Variants in GPR35 observed in about 807,000 individuals in gnomAD.
The protein encoded by GPR35 is KYNA receptor.
For missense variants in GPR35, 372 were observed against 422.5 expected (o/e 0.88, Z 1.05); for synonymous variants, 207 against 198.4 (o/e 1.04, Z -0.36).
chr2:240,622,872 C>T (rs895608623), upstream of GPR35, among the ~76,000 whole-genome samples: 16 of 152,302 alleles, frequency 1.1e-4, no homozygotes, highest in Non-Finnish European at 2.9e-5. Flanking sequence ...CCGGGCAGTG[C>T]CCCCGTGCCC....
chr2:240,628,197 C>G (rs952846217), intron 1 of GPR35: 1 of 152,206 alleles, frequency 6.6e-6, no homozygotes, highest in Non-Finnish European at 1.5e-5. Flanking sequence ...CTCCTGGCCC[C>G]CAGCGGGGGC....
chr2:240,630,793 AAGGAGTTCC>A lies in GPR35; in HGVS notation c.847_855del (p.Phe283_Glu285del), dbSNP rs770339393. ...CGCCATCTGCTACTACTACATGGCC[AAGGAGTTCC>A]AGGAGGCGTCTGCACTGGCCGTGGC... On this transcript the variant is annotated inframe_deletion, in exon 2 of 2. Coordinates refer to ENST00000407714, the MANE Select transcript of GPR35 (RefSeq NM_005301.5). The A allele has an allele frequency of 6.2e-7, 1 of 1,613,444 alleles. No homozygotes were observed. The highest frequency in any genetic ancestry group is 8.5e-7 in the Non-Finnish European group (1 of 1,180,030).
At chr2:240,609,937 AT>A (rs1273555536) in intron 2 of GPR35, among the ~76,000 whole-genome samples, 1 of 151,106 alleles carries the variant, frequency 6.6e-6, no homozygotes, top group African/African-American at 2.4e-5. Context: ...TTCTTGATGA[AT>A]TGACCCTTTT....
chr2:240,606,167 C>G (rs1408982371), intron 1 of GPR35, among the ~76,000 whole-genome samples: 1 of 152,210 alleles, frequency 6.6e-6, no homozygotes, highest in Non-Finnish European at 1.5e-5. Context: ...AACACTCACT[C>G]AGGGATCCCA....
Position 240,632,202 on chromosome 2 carries a change from A to G in GPR35, c.*1320A>G, listed in dbSNP as rs917934193. Among the ~76,000 whole-genome samples the G allele has an allele frequency of 7.3e-5, 11 of 150,880 alleles. No individual in the cohort carries two copies. The highest frequency in any genetic ancestry group is 5.9e-5 in the Non-Finnish European group (4 of 67,752). ...GTCCATGCCTGGTTGGGGGGGGTCT[A>G]TGTCCAGGAGGGTCCCATGCCTGGA... is the stretch of plus-strand genomic sequence containing the variant. On this transcript the variant is annotated 3_prime_UTR_variant, in exon 2 of 2. Transcript: ENST00000407714.
chr2:240,616,133 C>T (rs1442550339), intron 2 of GPR35, among the ~76,000 whole-genome samples: 1 of 152,132 alleles, frequency 6.6e-6, no homozygotes, highest in African/African-American at 2.4e-5. Flanking sequence ...ATCATCTCCC[C>T]ATCTGCCTGA....
chr2:240,615,231 A>G (rs1425393832), intron 2 of GPR35, among the ~76,000 whole-genome samples: 1 of 152,130 alleles, frequency 6.6e-6, no homozygotes, highest in Middle Eastern at 3.2e-3. Context: ...ACGAGGCCCC[A>G]GCACGCTGCC....
chr2:240,610,520 G>A (rs567522109), intron 2 of GPR35, among the ~76,000 whole-genome samples: 12 of 152,208 alleles, frequency 7.9e-5, no homozygotes, highest in South Asian at 4.1e-4. Context: ...GAATACAGTG[G>A]TACCATCAGG....
upstream of GPR35, among the ~76,000 whole-genome samples, chr2:240,623,170 G>A (rs1336158738): frequency 6.6e-6 from 1 of 152,196 alleles, no homozygotes; most frequent in Non-Finnish European, 1.5e-5. Flanking sequence ...CAGAGGCCGG[G>A]CTCTGTGCCA....
At chr2:240,611,558 A>G (rs2043182629) in intron 2 of GPR35, among the ~76,000 whole-genome samples, 1 of 152,202 alleles carries the variant, frequency 6.6e-6, no homozygotes, top group Non-Finnish European at 1.5e-5. Context: ...TGTAGGAGGA[A>G]TGGGGGGAGA....
chr2:240,610,201 G>A (rs892627558), intron 2 of GPR35, among the ~76,000 whole-genome samples: 1 of 152,056 alleles, frequency 6.6e-6, no homozygotes, highest in African/African-American at 2.4e-5. Context: ...CTTGTGGTCT[G>A]CCCACCTCAG....
chr2:240,625,254 G>T (rs1559438393), upstream of GPR35: 4 of 985,186 alleles, frequency 4.1e-6, no homozygotes, highest in Non-Finnish European at 4.8e-6. Context: ...CAGAACAAAT[G>T]TGTGCCCTCA....
intron 1 of GPR35, among the ~76,000 whole-genome samples, chr2:240,626,036 G>T (rs1575468452): frequency 2.7e-5 from 2 of 74,094 alleles, no homozygotes; most frequent in African/African-American, 4.5e-5. Flanking sequence ...CTGTGATGGG[G>T]TCTCAGAGTG....
intron 1 of GPR35, chr2:240,628,291 C>CCTGG (rs980419881): frequency 3.9e-5 from 6 of 152,204 alleles, no homozygotes; most frequent in Non-Finnish European, 8.8e-5. Flanking sequence ...CGGAGCCTGG[C>CCTGG]CTGGCTCAGG....
chr2:240,630,644 T>G lies in GPR35; in HGVS notation c.692T>G (p.Leu231Arg). Residue 231 changes from leucine (L) to arginine (R), a missense_variant, in exon 2 of 2, where the codon CTG becomes CGG. Coordinates refer to ENST00000407714, the MANE Select transcript of GPR35 (RefSeq NM_005301.5). ...CTCCTGGTGTTCGTGGTCTGCTTCC[T>G]GCCCCTGCACGTGGGGCTGACAGTG... ...ANLLVFVVCF[L>R]PLHVGLTVRL... 1 of 1,613,076 alleles carries G rather than the reference T, an allele frequency of 6.2e-7. No homozygotes were observed. Among genetic ancestry groups the G allele is most frequent in the Non-Finnish European group, 8.5e-7 (1 of 1,180,016 alleles).
intron 2 of GPR35, among the ~76,000 whole-genome samples, chr2:240,609,714 A>G (rs915254381): frequency 6.6e-6 from 1 of 152,216 alleles, no homozygotes; most frequent in Non-Finnish European, 1.5e-5. Context: ...GTGTTCTATA[A>G]ACATCAGTTT....
chr2:240,630,662 T>G lies in GPR35; in HGVS notation c.710T>G (p.Leu237Arg), dbSNP rs1356549406. ...TGCTTCCTGCCCCTGCACGTGGGGC[T>G]GACAGTGCGCCTCGCAGTGGGCTGG... ...VVCFLPLHVG[L>R]TVRLAVGWNA... Residue 237 changes from leucine to arginine, a missense_variant, in exon 2 of 2, where the codon CTG (leucine) becomes CGG (arginine). By Grantham distance (102) the Leu-to-Arg change is moderately radical. Coordinates refer to ENST00000407714, the MANE Select transcript of GPR35 (RefSeq NM_005301.5). 6.2e-7 allele frequency: 1 copy of G among 1,613,236 alleles called. No individual in the cohort carries two copies. The highest frequency in any genetic ancestry group is 8.5e-7 in the Non-Finnish European group (1 of 1,180,008).
intron 2 of GPR35, among the ~76,000 whole-genome samples, chr2:240,615,069 ATGTG>A (rs1419639491): frequency 6.6e-6 from 1 of 151,856 alleles, no homozygotes; most frequent in Non-Finnish European, 1.5e-5. Context: ...GTATATGTGC[ATGTG>A]TGTATGTTTA....
intron 4 of GPR35, chr2:240,618,819 A>G: frequency 1.9e-6 from 1 of 529,040 alleles, no homozygotes; most frequent in Non-Finnish European, 3.4e-6. Flanking sequence ...GCTTTTTTTC[A>G]TTTACAAATA....
Sources: gnomAD v4.1 joint callset for allele counts (sites outside exome capture counted in the v4.1 genomes callset) on GRCh38, gnomAD v4.1.1 for gene constraint, MANE v1.5 for transcripts, NCBI Gene and HGNC (gene_info 2026-07-23, HGNC 2026-07-21) for gene names.